Variants in ENOX1 observed in about 807,000 individuals in gnomAD.
ENOX1 encodes candidate growth-related and time keeping constitutive hydroquinone (NADH) oxidase.
ENOX1 carries 42 observed loss-of-function variants against 82.5 expected under a neutral mutation model. The ratio of observed to expected loss-of-function variants is 0.51; its 90% CI spans 0.40 to 0.66. The LOEUF (loss-of-function observed/expected upper bound fraction) is 0.66. Ranked by LOEUF, ENOX1 falls within the 30% of genes least tolerant of loss-of-function variation. The pLI, the probability that ENOX1 is intolerant of heterozygous loss-of-function variation, is 0.00. For missense variants in ENOX1, 608 were observed against 811.6 expected (o/e 0.75, Z 3.05); for synonymous variants, 271 against 282.2 (o/e 0.96, Z 0.40).
chr13:43,327,037 T>C (rs1283964710), intron 9 of ENOX1, among the ~76,000 whole-genome samples: 1 of 152,176 alleles, frequency 6.6e-6, no homozygotes, highest in Non-Finnish European at 1.5e-5. Flanking sequence ...ATTGGGACAA[T>C]GAATAGCCGT....
chr13:43,663,907 A>T (rs1254761080), intron 2 of ENOX1, among the ~76,000 whole-genome samples: 2 of 152,176 alleles, frequency 1.3e-5, no homozygotes, highest in African/African-American at 4.8e-5. Flanking sequence ...CCTCATTTTT[A>T]TATTACCAGC....
intron 11 of ENOX1, among the ~76,000 whole-genome samples, chr13:43,307,774 C>T (rs1005719469): frequency 1.3e-5 from 2 of 152,230 alleles, no homozygotes; most frequent in African/African-American, 2.4e-5. Context: ...AACACATTGT[C>T]CTCAACTGCT....
At chr13:43,439,458 G>A (rs1344074445) in intron 3 of ENOX1, among the ~76,000 whole-genome samples, 1 of 151,776 alleles carries the variant, frequency 6.6e-6, no homozygotes, top group Non-Finnish European at 1.5e-5. Flanking sequence ...CCTCAGCCTC[G>A]CAAAGTGCTG....
chr13:43,323,084 A>G (rs2047907042), intron 10 of ENOX1, among the ~76,000 whole-genome samples: 1 of 152,230 alleles, frequency 6.6e-6, no homozygotes, highest in Non-Finnish European at 1.5e-5. Flanking sequence ...GCTGGACATT[A>G]TTATTTCTCA....
intron 2 of ENOX1, among the ~76,000 whole-genome samples, chr13:43,577,293 G>A (rs757453915): frequency 3.9e-5 from 6 of 151,990 alleles, no homozygotes; most frequent in Admixed American, 2.0e-4. Flanking sequence ...CACCACACCC[G>A]ACTAATTTTT....
Position 43,247,844 on chromosome 13 carries a change from TATATATATATATATATATATATA to T in ENOX1, c.1612-11129_1612-11107del, listed in dbSNP as rs2043167731. On this transcript the variant is annotated intron_variant, in intron 14 of 16. Transcript: ENST00000690772. ...CAGATGCAACATATATATATATATATATATATATATATATATATATATATATATATATATATATATTTTTTTTT... is the reference window on the plus strand; with the variant it reads ...CAGATGCAACATATATATATATATATTATATATATATATATATTTTTTTTT... Among the ~76,000 whole-genome samples, 4 of 5,114 alleles carry T rather than the reference TATATATATATATATATATATATA, an allele frequency of 7.8e-4. 1 individual carries two copies. The Admixed American group carries it at 0.01, about 13-fold the overall frequency. The allele number at this position is 5,114 out of a possible 152,430, so 3.4% of individuals were successfully genotyped here.
chr13:43,745,886 G>T (rs900149703), intron 1 of ENOX1, among the ~76,000 whole-genome samples: 9 of 152,144 alleles, frequency 5.9e-5, no homozygotes, highest in African/African-American at 2.2e-4. Context: ...TGTGAAGAAG[G>T]ACATGTTTGC....
chr13:43,657,527 A>AAACATCCATGGACACCCATGTC (rs1289762506), intron 2 of ENOX1, among the ~76,000 whole-genome samples: 4 of 152,224 alleles, frequency 2.6e-5, no homozygotes, highest in Non-Finnish European at 5.9e-5. Context: ...GAGGCACTAG[A>AAACATCCATGGACACCCATGTC]AACATCCATG....
chr13:43,303,647 C>T (rs1211407488), intron 11 of ENOX1, among the ~76,000 whole-genome samples: 1 of 152,110 alleles, frequency 6.6e-6, no homozygotes, highest in African/African-American at 2.4e-5. Context: ...GAATATCTGC[C>T]TTGGACTGTT....
intron 5 of ENOX1, among the ~76,000 whole-genome samples, chr13:43,389,755 G>A (rs2052653550): frequency 6.6e-6 from 1 of 152,114 alleles, no homozygotes; most frequent in Non-Finnish European, 1.5e-5. Flanking sequence ...TGATGCAACT[G>A]GTTGGAATTT....
intron 2 of ENOX1, among the ~76,000 whole-genome samples, chr13:43,565,579 C>G (rs2079882436): frequency 6.6e-6 from 1 of 152,066 alleles, no homozygotes; most frequent in Non-Finnish European, 1.5e-5. Context: ...AGCTCCAGTA[C>G]CCACAAAGAC....
At chr13:43,708,461 A>T (rs940360011) in intron 1 of ENOX1, among the ~76,000 whole-genome samples, 3 of 152,148 alleles carry the variant, frequency 2.0e-5, no homozygotes, top group African/African-American at 7.2e-5. Flanking sequence ...TCCTGCTCTA[A>T]AACTTTTTAA....
chr13:43,666,702 C>T (rs1383486235), intron 2 of ENOX1, among the ~76,000 whole-genome samples: 1 of 152,128 alleles, frequency 6.6e-6, no homozygotes, highest in Non-Finnish European at 1.5e-5. Context: ...TTTGTTAAGG[C>T]AGTCAGATGA....
intron 14 of ENOX1, among the ~76,000 whole-genome samples, chr13:43,252,590 C>G (rs117308875): frequency 0.012 from 1,787 of 152,326 alleles, 15 homozygotes; most frequent in Non-Finnish European, 0.02. Context: ...GCTTTCCTTC[C>G]AAATTCAACT....
At chr13:43,477,725 G>A (rs186286533) in intron 3 of ENOX1, among the ~76,000 whole-genome samples, 134 of 152,114 alleles carry the variant, frequency 8.8e-4, no homozygotes, top group Non-Finnish European at 1.4e-3. Context: ...TCTTTATGGG[G>A]TGTGAATATG....
chr13:43,755,543 C>G (rs2153833104), intron 1 of ENOX1, among the ~76,000 whole-genome samples: 1 of 152,186 alleles, frequency 6.6e-6, no homozygotes, highest in South Asian at 2.1e-4. Context: ...TATAAAAAAT[C>G]TTTAATGTTT....
intron 1 of ENOX1, among the ~76,000 whole-genome samples, chr13:43,681,135 A>G (rs769964351): frequency 6.6e-6 from 1 of 152,140 alleles, no homozygotes; most frequent in African/African-American, 2.4e-5. Flanking sequence ...TTCCTCAAGC[A>G]TTGAGCTACC....
At chr13:43,520,652 G>T (rs1450691318) in intron 2 of ENOX1, among the ~76,000 whole-genome samples, 2 of 152,272 alleles carry the variant, frequency 1.3e-5, no homozygotes, top group African/African-American at 2.4e-5. Flanking sequence ...GGGAGGCTTT[G>T]CCGGGGGGCG....
At chr13:43,615,654 A>C (rs2082375409) in intron 2 of ENOX1, among the ~76,000 whole-genome samples, 1 of 152,086 alleles carries the variant, frequency 6.6e-6, no homozygotes, top group Admixed American at 6.5e-5. Flanking sequence ...CAGTTTTGTT[A>C]CATAGGTATA....
Sources: gnomAD v4.1 joint callset for allele counts (sites outside exome capture counted in the v4.1 genomes callset) on GRCh38, gnomAD v4.1.1 for gene constraint, MANE v1.5 for transcripts, NCBI Gene and HGNC (gene_info 2026-07-23, HGNC 2026-07-21) for gene names.